The following INPP5F variants were observed in gnomAD, a reference collection of about 807,000 sequenced individuals.
INPP5F encodes phosphatidylinositide 4-phosphatase SAC2.
In INPP5F, 97 loss-of-function variants were observed where a neutral mutation model predicts 137.2. That is an observed-to-expected ratio of 0.71 (90% CI 0.60 to 0.84). The LOEUF is 0.84. Ranked by LOEUF, INPP5F falls within the 40% of genes least tolerant of loss-of-function variation. The pLI, the probability that INPP5F is intolerant of heterozygous loss-of-function variation, is 0.00. For synonymous variants in INPP5F, 504 were observed against 476.9 expected (o/e 1.06, Z -0.74); for missense variants, 1,271 against 1,371.9 (o/e 0.93, Z 1.16).
rs543144731 is a variant in INPP5F at position 119,786,165 on chromosome 10, G to A, written c.315+4394G>A. 3.3e-5 allele frequency among the ~76,000 whole-genome samples: 5 copies of A among 152,276 alleles called. 1 individual carries two copies. Among genetic ancestry groups the A allele is most frequent in the African/African-American group, 1.2e-4 (5 of 41,568 alleles). The stretch of plus-strand genomic sequence containing the variant: ...ATGGCAGCAGCAACATCAACCCTTA[G>A]TCTCGGTCACAAGATGTAAGTTGCA... On this transcript the variant is annotated intron_variant, in intron 3 of 19. Coordinates refer to ENST00000650623, the MANE Select transcript of INPP5F (RefSeq NM_014937.4).
chr10:119,728,016 A>G (rs1164028068), intron 1 of INPP5F, among the ~76,000 whole-genome samples: 1 of 152,206 alleles, frequency 6.6e-6, no homozygotes, highest in Non-Finnish European at 1.5e-5. Flanking sequence ...TCTACACCCC[A>G]GTTTCTTGAA....
At chr10:119,763,671 C>A (rs1373097705) in intron 2 of INPP5F, among the ~76,000 whole-genome samples, 10 of 152,180 alleles carry the variant, frequency 6.6e-5, no homozygotes, top group Non-Finnish European at 1.0e-4. Flanking sequence ...GTAGTGTTTT[C>A]CCCTGAACGG....
Position 119,828,490 on chromosome 10 carries a change from T to C in INPP5F, c.*710T>C, listed in dbSNP as rs542483159. 1 of 152,316 alleles carries C rather than the reference T, an allele frequency of 6.6e-6. No individual in the cohort carries two copies. Among genetic ancestry groups the C allele is most frequent in the East Asian group, 1.9e-4 (1 of 5,182 alleles). 9.4% of individuals were successfully genotyped at this position (152,316 alleles called of 1,614,324 possible). On this transcript the variant is annotated 3_prime_UTR_variant, in exon 20 of 20. Coordinates refer to ENST00000650623, the MANE Select transcript of INPP5F (RefSeq NM_014937.4). ...GGTTTCATTTTGCTGTTTTCAGGAA[T>C]GTAAGAACACCCATATTGGCTACTG... is the stretch of plus-strand genomic sequence containing the variant.
Position 119,808,025 on chromosome 10 carries a change from A to G in INPP5F, c.1534A>G (p.Ile512Val), listed in dbSNP as rs1237796825. The G allele has an allele frequency of 6.2e-6, 10 of 1,613,994 alleles. No individual in the cohort carries two copies. Among genetic ancestry groups the G allele is most frequent in the South Asian group, 1.1e-5 (1 of 91,010 alleles). ...AATGTGGGCCAATAATGGTGACTCC[A>G]TTAGCAGACAGTATGCTGGGACAGC... ...QIMWANNGDS[I>V]SRQYAGTAAL... Residue 512 changes from isoleucine (I) to valine (V), a missense_variant, in exon 13 of 20, where the codon ATT (isoleucine) becomes GTT (valine). Around this residue, in one of 6 missense-constraint regions of INPP5F, gnomAD observed 593 missense variants for 712.4 expected, o/e 0.83. Transcript: ENST00000650623.
At chr10:119,767,014 A>G (rs1286645103) in intron 2 of INPP5F, among the ~76,000 whole-genome samples, 1 of 143,236 alleles carries the variant, frequency 7.0e-6, no homozygotes, top group Non-Finnish European at 1.5e-5. Context: ...CTGAGGCAGG[A>G]GAATTCCTTG....
intron 9 of INPP5F, among the ~76,000 whole-genome samples, chr10:119,801,896 C>T (rs1019899540): frequency 3.9e-5 from 6 of 152,204 alleles, no homozygotes; most frequent in Non-Finnish European, 5.9e-5. Flanking sequence ...TGTTGACATT[C>T]ACATCAATTT....
intron 1 of INPP5F, among the ~76,000 whole-genome samples, chr10:119,736,235 CTTTG>C (rs946376759): frequency 1.3e-4 from 20 of 152,166 alleles, no homozygotes; most frequent in African/African-American, 4.6e-4. Context: ...TTTATCTAAT[CTTTG>C]TTTGAGGTGG....
At chr10:119,820,592 C>T (rs1168762705) in intron 15 of INPP5F, among the ~76,000 whole-genome samples, 1 of 152,170 alleles carries the variant, frequency 6.6e-6, no homozygotes, top group Admixed American at 6.5e-5. Flanking sequence ...TCCTGAGGGA[C>T]TCCTTCCTCC....
chr10:119,749,069 C>T (rs986474518), intron 1 of INPP5F, among the ~76,000 whole-genome samples: 11 of 152,216 alleles, frequency 7.2e-5, no homozygotes, highest in Non-Finnish European at 1.5e-4. Context: ...ACACCCGACT[C>T]GGTCGTGACG....
chr10:119,757,173 C>G (rs1361493848), intron 2 of INPP5F, among the ~76,000 whole-genome samples: 1 of 152,062 alleles, frequency 6.6e-6, no homozygotes, highest in Non-Finnish European at 1.5e-5. Context: ...CTCCTGGGTT[C>G]AAGCGATTCT....
intron 1 of INPP5F, among the ~76,000 whole-genome samples, chr10:119,745,518 C>T (rs1319702090): frequency 1.3e-5 from 2 of 151,952 alleles, no homozygotes; most frequent in Non-Finnish European, 2.9e-5. Context: ...TATGAGTTCA[C>T]TAGGTGTTGA....
chr10:119,795,143 TC>T (rs1310472818), intron 6 of INPP5F, among the ~76,000 whole-genome samples: 1 of 134,854 alleles, frequency 7.4e-6, no homozygotes, highest in African/African-American at 2.8e-5. Context: ...CCCCCCCACC[TC>T]CCTCCCAGAC....
chr10:119,738,172 C>G (rs1429603728), intron 1 of INPP5F, among the ~76,000 whole-genome samples: 1 of 152,160 alleles, frequency 6.6e-6, no homozygotes, highest in African/African-American at 2.4e-5. Context: ...GAGCTTATTG[C>G]AAATACTTAT....
At chr10:119,782,313 G>C (rs1400922419) in intron 3 of INPP5F, among the ~76,000 whole-genome samples, 2 of 152,214 alleles carry the variant, frequency 1.3e-5, no homozygotes, top group Non-Finnish European at 2.9e-5. Flanking sequence ...GGAATAATGA[G>C]ATTGTCTAGG....
In INPP5F at chr10:119,744,189, T is replaced by TC. The variant is rs149445372; in HGVS notation, c.98-6880dup. Among the ~76,000 whole-genome samples, 597 of 152,136 alleles carry TC rather than the reference T, an allele frequency of 3.9e-3. 20 individuals carry two copies. The East Asian group carries it at 0.084, about 21-fold the overall frequency. Reference sequence around the variant, plus strand: ...TTTGATGACCCACTGATGGATTGACTCCCCCCCTTTTTCTTGACAACACTG... The same window carrying TC: ...TTTGATGACCCACTGATGGATTGACTCCCCCCCCTTTTTCTTGACAACACTG... On this transcript the variant is annotated intron_variant, in intron 1 of 19. Coordinates refer to ENST00000650623, the MANE Select transcript of INPP5F (RefSeq NM_014937.4).
Position 119,827,240 on chromosome 10 carries a change from C to CT in INPP5F, c.2859_2860insT (p.Lys954Ter). 6.2e-7 allele frequency: 1 copy of CT among 1,614,070 alleles called. No individual in the cohort carries two copies. Among genetic ancestry groups the CT allele is most frequent in the Non-Finnish European group, 8.5e-7 (1 of 1,180,010 alleles). ...ACGTACACATATTGACTGGCTTTGC[C>CT]AAGCCTATGGATATTTACTGCCACA... is the stretch of plus-strand genomic sequence containing the variant. On this transcript the variant is annotated frameshift_variant, in exon 20 of 20. Transcript: ENST00000650623. LOFTEE classifies it high-confidence loss of function.
chr10:119,757,283 G>T (rs1208446498), intron 2 of INPP5F, among the ~76,000 whole-genome samples: 1 of 151,458 alleles, frequency 6.6e-6, no homozygotes, highest in African/African-American at 2.4e-5. Context: ...GGCCAGACTG[G>T]TCTCGAACTC....
intron 6 of INPP5F, among the ~76,000 whole-genome samples, chr10:119,794,975 C>T (rs1188888925): frequency 3.7e-5 from 5 of 133,818 alleles, no homozygotes; most frequent in East Asian, 2.4e-4. Flanking sequence ...TAGGGGTGGC[C>T]GGGCAGAGGC....
chr10:119,795,304 G>A (rs1387691748), intron 6 of INPP5F, among the ~76,000 whole-genome samples: 4 of 151,640 alleles, frequency 2.6e-5, no homozygotes, highest in Non-Finnish European at 4.4e-5. Context: ...AGGCGGAGAC[G>A]CTCCTCACTT....
Sources: gnomAD v4.1 joint callset for allele counts (sites outside exome capture counted in the v4.1 genomes callset) on GRCh38, gnomAD v4.1.1 for gene constraint, gnomAD v4.1.1 regional missense constraint, MANE v1.5 for transcripts, NCBI Gene and HGNC (gene_info 2026-07-23, HGNC 2026-07-21) for gene names.